Variants in IBTK observed in about 807,000 individuals in gnomAD.
IBTK encodes the protein inhibitor of Bruton tyrosine kinase.
Under a neutral mutation model 154.9 loss-of-function variants are expected in IBTK, and 83 were observed. The observed-to-expected ratio is 0.54, with a 90% CI of 0.45 to 0.64. The LOEUF (loss-of-function observed/expected upper bound fraction) is 0.64. IBTK is among the 30% of genes least tolerant of loss of function. The pLI, the probability that IBTK is intolerant of heterozygous loss-of-function variation, is 0.00. For synonymous variants in IBTK, 515 were observed against 536.1 expected, an observed-to-expected ratio of 0.96 and a Z score of 0.54; for missense variants, 1,332 against 1,584.6, an observed-to-expected ratio of 0.84 and a Z score of 2.71.
chr6:82,187,925 CA>C (rs746849728), intron 25 of IBTK, among the ~76,000 whole-genome samples: 4 of 151,952 alleles, frequency 2.6e-5, no homozygotes, highest in Non-Finnish European at 4.4e-5. Context: ...AAACCTATTA[CA>C]AATGGTGACA....
chr6:82,217,899 C>A, intron 10 of IBTK, 61 bp downstream of exon 10: 1 of 1,170,332 alleles, frequency 8.5e-7, no homozygotes, highest in South Asian at 1.8e-5. Flanking sequence ...GAACCTAATA[C>A]TTGTCAAATT....
At chr6:82,198,057 T>C (rs1197825922) in intron 21 of IBTK, among the ~76,000 whole-genome samples, 2 of 152,252 alleles carry the variant, frequency 1.3e-5, no homozygotes, top group African/African-American at 4.8e-5. Flanking sequence ...TTTTGGTCAC[T>C]ACTTCAAATC....
chr6:82,230,500 G>A (rs563372756), intron 4 of IBTK, among the ~76,000 whole-genome samples: 2 of 152,016 alleles, frequency 1.3e-5, no homozygotes, highest in Non-Finnish European at 2.9e-5. Flanking sequence ...GTCAAATTAG[G>A]ACACTGTTGT....
intron 25 of IBTK, among the ~76,000 whole-genome samples, chr6:82,190,064 T>C (rs1768704401): frequency 6.6e-6 from 1 of 152,164 alleles, no homozygotes; most frequent in Non-Finnish European, 1.5e-5. Flanking sequence ...GCTAAGCTCA[T>C]CCTCTCCAGT....
chr6:82,236,170 G>A (rs116268283), intron 2 of IBTK, among the ~76,000 whole-genome samples: 3,069 of 152,140 alleles, frequency 0.02, 110 homozygotes, highest in African/African-American at 0.068. Context: ...CACCATGCCC[G>A]GCCATTGTTC....
chr6:82,204,921 C>T lies in IBTK; in HGVS notation c.2547G>A (p.Val849=), dbSNP rs1324743123. Reference sequence around the variant, plus strand: ...GGGTTATGAGAAGTTGATCAGCCACCACAAGAACACTACAAATAAAATCTA... The same window carrying T: ...GGGTTATGAGAAGTTGATCAGCCACTACAAGAACACTACAAATAAAATCTA... ...QNVDFICSVL[V]VADQLLITRL... The change falls in exon 17 of 29, where the codon GTG becomes GTA. Residue 849 remains valine (V), a synonymous_variant. Coordinates refer to ENST00000306270, the MANE Select transcript of IBTK (RefSeq NM_015525.4). The T allele has an allele frequency of 6.2e-7, 1 of 1,604,972 alleles. No individual in the cohort carries two copies. The highest frequency in any genetic ancestry group is 1.7e-5 in the Admixed American group (1 of 59,010).
chr6:82,235,241 T>C (rs1252554418), intron 2 of IBTK, among the ~76,000 whole-genome samples: 1 of 152,164 alleles, frequency 6.6e-6, no homozygotes, highest in East Asian at 1.9e-4. Context: ...TCCCTAGCTC[T>C]GGGTTTGTGT....
At chr6:82,232,254 CATATCTACTTAGTTTCCATGAAAATAAT>C (rs1313457697) in intron 3 of IBTK, among the ~76,000 whole-genome samples, 1 of 152,040 alleles carries the variant, frequency 6.6e-6, no homozygotes, top group Non-Finnish European at 1.5e-5. Flanking sequence ...CACCACCGGC[CATATCTACTTAGTTTCCATGAAAATAAT>C]ATATAGAACT....
rs1389798174 is a variant in IBTK, at chr6:82,247,605, C to T, written c.-401G>A. On this transcript the variant is annotated 5_prime_UTR_variant, in exon 1 of 29. In the 5' UTR this introduces an upstream ATG that the reference lacks. Transcript: ENST00000306270. ...GCGCCGGTGGATTCCGCAGGGTCCACATAGAGCCACAAAGGGACTCATCCT... is the reference window on the plus strand; with the variant it reads ...GCGCCGGTGGATTCCGCAGGGTCCATATAGAGCCACAAAGGGACTCATCCT... 5.0e-6 allele frequency: 2 copies of T among 398,660 alleles called. No homozygotes were observed. The highest frequency in any genetic ancestry group is 4.4e-5 in the Admixed American group (1 of 22,720). The allele number at this position is 398,660 out of a possible 1,614,324, so 24.7% of individuals were successfully genotyped here.
chr6:82,243,632 C>T (rs1293642832), intron 1 of IBTK, among the ~76,000 whole-genome samples: 4 of 152,232 alleles, frequency 2.6e-5, no homozygotes, highest in Non-Finnish European at 5.9e-5. Context: ...TCAGTACTCT[C>T]TGCAGTTTCA....
chr6:82,220,376 A>C (rs1770053181), intron 9 of IBTK, among the ~76,000 whole-genome samples: 2 of 152,202 alleles, frequency 1.3e-5, no homozygotes, highest in South Asian at 4.1e-4. Context: ...ATTGTGCAAC[A>C]TTAGATTAAA....
chr6:82,219,287 C>A (rs1437371076), intron 9 of IBTK, among the ~76,000 whole-genome samples: 1 of 152,110 alleles, frequency 6.6e-6, no homozygotes, highest in Non-Finnish European at 1.5e-5. Context: ...AATATTTAAA[C>A]CTAGTTACTA....
chr6:82,217,870 C>G (rs1443760922), intron 10 of IBTK, 90 bp downstream of exon 10: 4 of 830,808 alleles, frequency 4.8e-6, no homozygotes, highest in South Asian at 2.4e-5. Context: ...AAAGTAAAAC[C>G]TAATAACACT....
In IBTK at chr6:82,204,901, A is replaced by T. The variant is rs1279687790; in HGVS notation, c.2567T>A (p.Ile856Lys). 6.2e-7 allele frequency: 1 copy of T among 1,609,670 alleles called. No homozygotes were observed. Among genetic ancestry groups the T allele is most frequent in the African/African-American group, 1.3e-5 (1 of 74,882 alleles). Residue 856 changes from isoleucine (I) to lysine (K), a missense_variant, in exon 17 of 29, where the codon ATA (isoleucine) becomes AAA (lysine). By Grantham distance (102) the Ile-to-Lys change is moderately radical. Coordinates refer to ENST00000306270, the MANE Select transcript of IBTK (RefSeq NM_015525.4). ...TTCACAAATCTCTTTCAACCGGGTTATGAGAAGTTGATCAGCCACCACAAG... is the reference window on the plus strand; with the variant it reads ...TTCACAAATCTCTTTCAACCGGGTTTTGAGAAGTTGATCAGCCACCACAAG... ...SVLVVADQLL[I>K]TRLKEICEVA...
Position 82,170,580 on chromosome 6 carries a change from T to C in IBTK, c.*845A>G, listed in dbSNP as rs893156095. 2 of 152,214 alleles carry C rather than the reference T, an allele frequency of 1.3e-5. No individual in the cohort carries two copies. The highest frequency in any genetic ancestry group is 1.3e-4 in the Admixed American group (2 of 15,272). 9.4% of individuals were successfully genotyped at this position (152,214 alleles called of 1,614,324 possible). On this transcript the variant is annotated 3_prime_UTR_variant, in exon 29 of 29. Transcript: ENST00000306270. ...TTATACAGTATTGTAAAGGTAATGA[T>C]AATCCAACCCTCTTCCAAACTATTT...
Position 82,224,279 on chromosome 6 carries a change from C to T in IBTK, c.826-94G>A, listed in dbSNP as rs1463247857. On this transcript the variant is annotated intron_variant, in intron 6 of 28. Coordinates refer to ENST00000306270, the MANE Select transcript of IBTK (RefSeq NM_015525.4). Reference sequence around the variant, plus strand: ...AGCAGACCAGCAAATATATGGTATACTTGCTGTTAGTGGTCCACTCAAGTG... The same window carrying T: ...AGCAGACCAGCAAATATATGGTATATTTGCTGTTAGTGGTCCACTCAAGTG... 3.4e-6 allele frequency: 3 copies of T among 872,376 alleles called. No homozygotes were observed. In the Admixed American group the frequency reaches 5.6e-5, roughly 16 times the overall value. 54.0% of individuals were successfully genotyped at this position (872,376 alleles called of 1,614,324 possible). A position where few individuals can be genotyped will look rare whatever the true frequency, so the allele number is the denominator to read the frequency against.
At chr6:82,235,977 G>A (rs1246702087) in intron 2 of IBTK, among the ~76,000 whole-genome samples, 1 of 152,120 alleles carries the variant, frequency 6.6e-6, no homozygotes, top group African/African-American at 2.4e-5. Context: ...GGGTTCAAGC[G>A]ATTCTCCTGC....
rs562813114 is a variant in IBTK, at chr6:82,200,773, T to G, written c.2791-65A>C. 3.4e-5 allele frequency: 50 copies of G among 1,454,460 alleles called. No individual in the cohort carries two copies. In the African/African-American group the frequency reaches 5.3e-4, roughly 15 times the overall value. 90.1% of individuals were successfully genotyped at this position (1,454,460 alleles called of 1,614,324 possible). On this transcript the variant is annotated intron_variant, in intron 19 of 28. Coordinates refer to ENST00000306270, the MANE Select transcript of IBTK (RefSeq NM_015525.4). ...GTGAAGTTTTTTTTTTTTTTTTTTT[T>G]TTTTTTTTGTGCACACGTGGCTCTT...
At chr6:82,174,688 A>C (rs1309656329) in intron 26 of IBTK, among the ~76,000 whole-genome samples, 6 of 152,146 alleles carry the variant, frequency 3.9e-5, no homozygotes, top group Non-Finnish European at 8.8e-5. Context: ...ATTTACTAAA[A>C]GCCTAAGTAC....
Sources: allele counts gnomAD v4.1 joint callset (sites outside exome capture counted in the v4.1 genomes callset), GRCh38; gene constraint gnomAD v4.1.1; transcripts MANE v1.5; gene names NCBI Gene and HGNC (gene_info 2026-07-23, HGNC 2026-07-21).